The following ERICH3 variants were observed in gnomAD, a reference collection of about 807,000 sequenced individuals.
ERICH3 encodes the protein glutamate-rich protein 3.
A neutral mutation model predicts 131.1 loss-of-function variants in ERICH3; 126 were observed. The observed-to-expected ratio is 0.96, with a 90% confidence interval of 0.83 to 1.11. The LOEUF is 1.11. ERICH3 is among the 50% of genes most tolerant of loss of function. ERICH3 has a pLI of 0.00. For missense variants in ERICH3, 2,050 were observed against 1,810.7 expected, an observed-to-expected ratio of 1.13 and a Z score of -2.40; for synonymous variants, 695 against 644.6, an observed-to-expected ratio of 1.08 and a Z score of -1.18.
intron 1 of ERICH3, among the ~76,000 whole-genome samples, chr1:74,670,890 C>G (rs935100066): frequency 1.3e-5 from 2 of 152,048 alleles, no homozygotes; most frequent in African/African-American, 2.4e-5. Flanking sequence ...TATTAATACC[C>G]TGGGAAAGGA....
chr1:74,663,622 TAAA>T (rs75939047), intron 1 of ERICH3, among the ~76,000 whole-genome samples: 93 of 131,850 alleles, frequency 7.1e-4, no homozygotes, highest in South Asian at 4.3e-3. Flanking sequence ...TGATTTTTGT[TAAA>T]AAAAAAAAAA....
Position 74,631,883 on chromosome 1 carries a change from G to A in ERICH3, c.649C>T (p.Gln217Ter). 1 of 1,613,400 alleles carries A rather than the reference G, an allele frequency of 6.2e-7. No homozygotes were observed. Among genetic ancestry groups the A allele is most frequent in the Non-Finnish European group, 8.5e-7 (1 of 1,179,554 alleles). ...MKFRNSIGNS[Q>*]RMNSYQLPNI... ...GGAAGTTGATATGAATTCATTCTCTGTGAATTGCCTATGGAGTTCCTGAAC... is the reference window on the plus strand; with the variant it reads ...GGAAGTTGATATGAATTCATTCTCTATGAATTGCCTATGGAGTTCCTGAAC... Residue 217 changes from glutamine to a stop codon, truncating the protein, a stop_gained, in exon 7 of 15, where the codon CAG becomes TAG. Transcript: ENST00000326665. LOFTEE classifies it high-confidence loss of function.
chr1:74,586,554 A>T, intron 12 of ERICH3: 2 of 901,956 alleles, frequency 2.2e-6, no homozygotes, highest in Non-Finnish European at 1.3e-6. Context: ...TTTATCAAAA[A>T]CCTTAAAATA....
chr1:74,626,921 T>A (rs1649437272), intron 7 of ERICH3, among the ~76,000 whole-genome samples: 1 of 152,144 alleles, frequency 6.6e-6, no homozygotes, highest in South Asian at 2.1e-4. Flanking sequence ...GAGGAGCAGG[T>A]GGTGGATACC....
intron 12 of ERICH3, chr1:74,579,431 C>T: frequency 1.0e-6 from 1 of 985,180 alleles, no homozygotes. Flanking sequence ...GCTTGTAGTC[C>T]CTCTGTCTCA....
At position 74,572,024 on chromosome 1, in the gene ERICH3, G is replaced by T. The variant is rs77387756; in HGVS notation, c.3686C>A (p.Ala1229Asp). The change falls in exon 14 of 15, where the codon GCC becomes GAC. Residue 1229 changes from alanine to aspartate, a missense_variant. By Grantham distance (126) the Ala-to-Asp change is moderately radical (BLOSUM62 -2). Transcript: ENST00000326665. ...PEAEPAGKVQ[A>D]PEGLIPATGQ... ...TGTGGCTGGGATCAGCCCCTCAGGGGCCTGCACCTTTCCTGCTGGCTCAGC... is the reference window on the plus strand; with the variant it reads ...TGTGGCTGGGATCAGCCCCTCAGGGTCCTGCACCTTTCCTGCTGGCTCAGC... The T allele has an allele frequency of 6.2e-7, 1 of 1,614,108 alleles. No homozygotes were observed. Among genetic ancestry groups the T allele is most frequent in the South Asian group, 1.1e-5 (1 of 91,080 alleles).
At chr1:74,581,369 C>T (rs974676810) in intron 12 of ERICH3, among the ~76,000 whole-genome samples, 2 of 152,002 alleles carry the variant, frequency 1.3e-5, no homozygotes, top group Non-Finnish European at 2.9e-5. Context: ...CGGTTTATTA[C>T]TTTTGTTGTT....
At chr1:74,604,308 T>C (rs1247866059) in intron 10 of ERICH3, among the ~76,000 whole-genome samples, 2 of 151,904 alleles carry the variant, frequency 1.3e-5, no homozygotes, top group East Asian at 1.9e-4. Flanking sequence ...AATTACTTCC[T>C]CCACCAAAGG....
chr1:74,631,691 G>C (rs1436029417), intron 7 of ERICH3, 22 bp downstream of exon 7: 2 of 1,576,056 alleles, frequency 1.3e-6, no homozygotes, highest in Non-Finnish European at 1.7e-6. Context: ...ATTAATAAAA[G>C]AAAAATTTGT....
chr1:74,589,571 G>T, intron 12 of ERICH3, 60 bp downstream of exon 12: 2 of 1,517,126 alleles, frequency 1.3e-6, no homozygotes, highest in South Asian at 2.4e-5. Context: ...ATAGTGCAAT[G>T]ACCAAAATCA....
intron 11 of ERICH3, among the ~76,000 whole-genome samples, chr1:74,593,130 C>G (rs1293129003): frequency 6.6e-6 from 1 of 152,102 alleles, no homozygotes; most frequent in Non-Finnish European, 1.5e-5. Context: ...AAGATCTGCA[C>G]TCATTGCGTG....
chr1:74,632,134 T>C (rs1646344398), intron 6 of ERICH3, among the ~76,000 whole-genome samples: 2 of 152,126 alleles, frequency 1.3e-5, no homozygotes, highest in African/African-American at 4.8e-5. Context: ...GTGTGGTATA[T>C]TTTTTAACTA....
rs143813666 is a variant in ERICH3, at chr1:74,607,523, C to T, written c.1188-621G>A. Among the ~76,000 whole-genome samples, 581 of 152,002 alleles carry T rather than the reference C, an allele frequency of 3.8e-3. 9 individuals carry two copies. Among genetic ancestry groups the T allele is most frequent in the Admixed American group, 0.022 (342 of 15,252 alleles). On this transcript the variant is annotated intron_variant, in intron 9 of 14. Transcript: ENST00000326665. ...GTTGCTGCATCTTTTAAGTGAATAACTCAGGAGTTTGTTCACTTATTTTCA... is the reference window on the plus strand; with the variant it reads ...GTTGCTGCATCTTTTAAGTGAATAATTCAGGAGTTTGTTCACTTATTTTCA...
chr1:74,599,606 G>A lies in ERICH3; in HGVS notation c.1726+89C>T, dbSNP rs990442244. ...AAACATACATTCAAGAGAAAAAAAA[G>A]AGGATTATCTCATTAAATAGAAAAC... On this transcript the variant is annotated intron_variant, in intron 11 of 14. Coordinates refer to ENST00000326665, the MANE Select transcript of ERICH3 (RefSeq NM_001002912.5). 12 of 1,091,692 alleles carry A rather than the reference G, an allele frequency of 1.1e-5. No individual in the cohort carries two copies. The African/African-American group carries it at 1.9e-4, about 18-fold the overall frequency. The allele number at this position is 1,091,692 out of a possible 1,614,324, so 67.6% of individuals were successfully genotyped here.
At chr1:74,623,649 TC>T (rs1649313202) in intron 7 of ERICH3, 1 of 152,080 alleles carries the variant, frequency 6.6e-6, no homozygotes, top group Non-Finnish European at 1.5e-5. Flanking sequence ...CGAATTAGTC[TC>T]CCCACTTCTA....
chr1:74,582,816 G>C (rs1037496848), intron 12 of ERICH3, among the ~76,000 whole-genome samples: 1 of 152,032 alleles, frequency 6.6e-6, no homozygotes, highest in Non-Finnish European at 1.5e-5. Flanking sequence ...GAATTTTTCA[G>C]GTATTTTTTA....
At chr1:74,580,168 A>G (rs1350517243) in intron 12 of ERICH3, among the ~76,000 whole-genome samples, 1 of 152,114 alleles carries the variant, frequency 6.6e-6, no homozygotes, top group East Asian at 1.9e-4. Flanking sequence ...ACATCTTAAT[A>G]GATTTCCAAG....
chr1:74,634,845 G>C, intron 6 of ERICH3: 1 of 581,360 alleles, frequency 1.7e-6, no homozygotes, highest in South Asian at 2.4e-5. Flanking sequence ...AGATGAGATG[G>C]GTGTATCAGG....
At chr1:74,649,402 A>G (rs1646513073) in intron 1 of ERICH3, 87 bp from the exon 2 acceptor site, 1 of 955,598 alleles carries the variant, frequency 1.0e-6, no homozygotes, top group Admixed American at 1.9e-5. Context: ...CAAATAGTGC[A>G]TAATCATTCA....
Sources: allele counts gnomAD v4.1 joint callset (sites outside exome capture counted in the v4.1 genomes callset), GRCh38; gene constraint gnomAD v4.1.1; transcripts MANE v1.5; gene names NCBI Gene and HGNC (gene_info 2026-07-23, HGNC 2026-07-21).